Variants in XRN2 observed in about 807,000 individuals in gnomAD.
XRN2 encodes the protein 5'-3' exoribonuclease 2.
Under a neutral mutation model 138.5 loss-of-function variants are expected in XRN2, and 44 were observed. The ratio of observed to expected loss-of-function variants is 0.32; its 90% CI spans 0.25 to 0.41. The LOEUF is 0.41. Ranked by LOEUF, XRN2 falls within the 10% of genes least tolerant of loss-of-function variation. XRN2 has a pLI of 1.00. For synonymous variants in XRN2, 354 were observed against 369.4 expected (o/e 0.96, Z 0.48); for missense variants, 937 against 1,169.3 (o/e 0.80, Z 2.90).
chr20:21,365,737 T>C (rs2038685548), intron 26 of XRN2, 33 bp downstream of exon 26: 1 of 1,556,732 alleles, frequency 6.4e-7, no homozygotes, highest in Non-Finnish European at 8.7e-7. Flanking sequence ...TTGTATATTT[T>C]GCTTTTTCTG....
At chr20:21,326,651 T>C (rs1286953888) in intron 3 of XRN2, 50 bp downstream of exon 3, 2 of 1,430,174 alleles carry the variant, frequency 1.4e-6, no homozygotes, top group Non-Finnish European at 1.9e-6. Context: ...TTTTGCTGTG[T>C]TACCAGTGTC....
chr20:21,348,520 A>G lies in XRN2; in HGVS notation c.1863+90A>G, dbSNP rs532273569. On this transcript the variant is annotated intron_variant, in intron 19 of 29. Coordinates refer to ENST00000377191, the MANE Select transcript of XRN2 (RefSeq NM_012255.5). ...ACAATTGCTTTTGCAGCTGATAGTTAAAACAGTGAAGTACAGAAACAGTAT... is the reference window on the plus strand; with the variant it reads ...ACAATTGCTTTTGCAGCTGATAGTTGAAACAGTGAAGTACAGAAACAGTAT... 3.4e-6 allele frequency: 4 copies of G among 1,179,618 alleles called. No individual in the cohort carries two copies. The African/African-American group carries it at 6.1e-5, about 18-fold the overall frequency. 73.1% of individuals were successfully genotyped at this position (1,179,618 alleles called of 1,614,324 possible). A position where few individuals can be genotyped will look rare whatever the true frequency, so the allele number is the denominator to read the frequency against.
chr20:21,325,407 C>T (rs974131470), intron 1 of XRN2, among the ~76,000 whole-genome samples: 1 of 152,174 alleles, frequency 6.6e-6, no homozygotes, highest in African/African-American at 2.4e-5. Flanking sequence ...GATTGACTAA[C>T]TGTAAAACAG....
intron 1 of XRN2, among the ~76,000 whole-genome samples, chr20:21,312,810 T>TAAG (rs1348790511): frequency 1.3e-5 from 2 of 152,026 alleles, no homozygotes; most frequent in African/African-American, 4.8e-5. Context: ...CCACGTTGGC[T>TAAG]AAGCTGGTCT....
intron 13 of XRN2, among the ~76,000 whole-genome samples, chr20:21,338,327 A>G (rs1004344158): frequency 6.6e-6 from 1 of 152,162 alleles, no homozygotes; most frequent in Non-Finnish European, 1.5e-5. Context: ...AGATGAACAC[A>G]AAATTCTGTC....
intron 29 of XRN2, 54 bp downstream of exon 29, chr20:21,387,060 T>G (rs1765668022): frequency 6.4e-7 from 1 of 1,559,266 alleles, no homozygotes; most frequent in Admixed American, 1.8e-5. Flanking sequence ...TCAACAAGCC[T>G]CACAGGACTC....
chr20:21,326,522 T>C lies in XRN2; in HGVS notation c.236T>C (p.Val79Ala). 3.1e-6 allele frequency: 5 copies of C among 1,614,078 alleles called. No individual in the cohort carries two copies. The highest frequency in any genetic ancestry group is 4.2e-6 in the Non-Finnish European group (5 of 1,179,974). ...CCAAAAAATGAAGATGAAATGATGGTTGCAATTTTTGAGTACATTGACAGA... is the reference window on the plus strand; with the variant it reads ...CCAAAAAATGAAGATGAAATGATGGCTGCAATTTTTGAGTACATTGACAGA... ...PAPKNEDEMM[V>A]AIFEYIDRLF... The change falls in exon 3 of 30, where the codon GTT (valine) becomes GCT (alanine). Residue 79 changes from valine to alanine, a missense_variant. Val to Ala is a moderately conservative substitution (Grantham distance 64). Around this residue, in one of 6 missense-constraint regions of XRN2, gnomAD observed 51 missense variants for 93.5 expected, o/e 0.55. Coordinates refer to ENST00000377191, the MANE Select transcript of XRN2 (RefSeq NM_012255.5).
chr20:21,351,719 G>A (rs1175438085), intron 20 of XRN2, among the ~76,000 whole-genome samples: 1 of 152,104 alleles, frequency 6.6e-6, no homozygotes. Flanking sequence ...CACAGTTTTA[G>A]TTCTTACATT....
chr20:21,350,921 TAAATG>T (rs1258849122), intron 20 of XRN2, among the ~76,000 whole-genome samples: 1 of 152,172 alleles, frequency 6.6e-6, no homozygotes, highest in Admixed American at 6.5e-5. Flanking sequence ...TATTACATGT[TAAATG>T]GATTGGAGAT....
chr20:21,387,074 A>AT, intron 29 of XRN2, 68 bp downstream of exon 29: 2 of 1,533,932 alleles, frequency 1.3e-6, no homozygotes, highest in South Asian at 2.5e-5. Context: ...AGGACTCCGT[A>AT]TTTTCTTACC....
chr20:21,332,247 T>G, intron 8 of XRN2, 36 bp from the exon 9 acceptor site: 1 of 1,596,924 alleles, frequency 6.3e-7, no homozygotes, highest in African/African-American at 1.3e-5. Context: ...CTCAGAATAC[T>G]CACTGTTCGA....
At chr20:21,324,912 A>G (rs1184218825) in intron 1 of XRN2, among the ~76,000 whole-genome samples, 1 of 152,250 alleles carries the variant, frequency 6.6e-6, no homozygotes, top group East Asian at 1.9e-4. Flanking sequence ...CTGTGCAATC[A>G]TCACTATTAT....
chr20:21,385,598 A>T (rs983684742), intron 28 of XRN2, among the ~76,000 whole-genome samples: 1 of 152,182 alleles, frequency 6.6e-6, no homozygotes. Context: ...TAGCCTTTCT[A>T]GAGTTCTTTA....
At chr20:21,339,847 A>C (rs2038348664) in intron 14 of XRN2, among the ~76,000 whole-genome samples, 1 of 152,014 alleles carries the variant, frequency 6.6e-6, no homozygotes, top group Non-Finnish European at 1.5e-5. Context: ...TATCTTCCCT[A>C]CTAGATTTTC....
intron 1 of XRN2, among the ~76,000 whole-genome samples, chr20:21,322,969 T>C (rs1416411010): frequency 2.0e-5 from 3 of 152,172 alleles, no homozygotes; most frequent in Non-Finnish European, 4.4e-5. Flanking sequence ...ACCTAAGCCT[T>C]CACATTCTCT....
intron 1 of XRN2, chr20:21,303,766 C>A: frequency 8.5e-7 from 1 of 1,178,206 alleles, no homozygotes. Flanking sequence ...AAGGCCCCGC[C>A]CACTGCTTTG....
chr20:21,344,093 C>T lies in XRN2; in HGVS notation c.1414C>T (p.Pro472Ser), dbSNP rs779195522. 16 of 1,605,802 alleles carry T rather than the reference C, an allele frequency of 1.0e-5. No homozygotes were observed. Among genetic ancestry groups the T allele is most frequent in the African/African-American group, 1.3e-5 (1 of 74,704 alleles). ...GTAATGTCATCATTGTCTGCAGAGT[C>T]CTTCGATATCTCCTAATACGAGTTT... Reference protein sequence around the residue: ...YEMRMQNNSSPSISPNTSFTS... With the variant: ...YEMRMQNNSSSSISPNTSFTS... The change falls in exon 16 of 30, where the codon CCT becomes TCT. Residue 472 changes from proline to serine, a missense_variant. Transcript: ENST00000377191.
chr20:21,304,287 G>C (rs967931207), intron 1 of XRN2, among the ~76,000 whole-genome samples: 3 of 150,760 alleles, frequency 2.0e-5, no homozygotes, highest in Non-Finnish European at 2.9e-5. Context: ...GGCACATCAC[G>C]CGTACCTCAC....
At position 21,346,417 on chromosome 20, in the gene XRN2, T is replaced by G. The variant is rs1439235172; in HGVS notation, c.1532T>G (p.Leu511Ter). 6.2e-7 allele frequency: 1 copy of G among 1,614,012 alleles called. No homozygotes were observed. Among genetic ancestry groups the G allele is most frequent in the Non-Finnish European group, 8.5e-7 (1 of 1,179,950 alleles). ...SEPEPEDNVR[L>*]WEAGWKQRYY... Reference sequence around the variant, plus strand: ...AAATGAGCTGTGCCTGGTTTTAGGTTATGGGAAGCTGGCTGGAAGCAGCGG... The same window carrying G: ...AAATGAGCTGTGCCTGGTTTTAGGTGATGGGAAGCTGGCTGGAAGCAGCGG... The change falls in exon 17 of 30, where the codon TTA (leucine) becomes TGA (stop). Residue 511 changes from leucine (L) to a stop codon, truncating the protein, a stop_gained and splice_region_variant. Coordinates refer to ENST00000377191, the MANE Select transcript of XRN2 (RefSeq NM_012255.5). LOFTEE classifies it high-confidence loss of function.
Sources: allele counts gnomAD v4.1 joint callset (sites outside exome capture counted in the v4.1 genomes callset), GRCh38; gene constraint gnomAD v4.1.1; regional missense constraint gnomAD v4.1.1; transcripts MANE v1.5; gene names NCBI Gene and HGNC (gene_info 2026-07-23, HGNC 2026-07-21).